Variants in PCDH9 observed in about 807,000 individuals in gnomAD.
PCDH9 encodes protocadherin 9.
A neutral mutation model predicts 70.6 loss-of-function variants in PCDH9; 24 were observed. That is an observed-to-expected ratio of 0.34 (90% CI 0.25 to 0.48). The LOEUF (loss-of-function observed/expected upper bound fraction) is 0.48, where lower values mean the gene tolerates loss of function less well. PCDH9 is among the 20% of genes least tolerant of loss of function. The probability of loss-of-function intolerance (pLI) is 0.99; values close to 1 mark genes in which losing one functional copy is unlikely to be tolerated. For synonymous variants in PCDH9, 562 were observed against 558.5 expected (o/e 1.01, Z -0.09); for missense variants, 1,281 against 1,503.6 (o/e 0.85, Z 2.45).
chr13:66,637,024 A>G (rs1253156484), intron 3 of PCDH9, among the ~76,000 whole-genome samples: 2 of 152,146 alleles, frequency 1.3e-5, no homozygotes, highest in African/African-American at 4.8e-5. Flanking sequence ...TATAATATTC[A>G]CTAGAAATAT....
intron 3 of PCDH9, among the ~76,000 whole-genome samples, chr13:66,717,433 C>T (rs548178321): frequency 1.3e-3 from 125 of 97,084 alleles, no homozygotes; most frequent in Middle Eastern, 0.014. Context: ...GCCTGGGTGA[C>T]AGAGCAAGAC....
At chr13:66,671,911 CT>C (rs1464178949) in intron 3 of PCDH9, among the ~76,000 whole-genome samples, 1 of 152,164 alleles carries the variant, frequency 6.6e-6, no homozygotes, top group African/African-American at 2.4e-5. Context: ...TTCAAGCTGG[CT>C]GCAGAAATTT....
intron 2 of PCDH9, among the ~76,000 whole-genome samples, chr13:67,011,756 T>A (rs1197483136): frequency 1.3e-5 from 2 of 151,932 alleles, no homozygotes; most frequent in East Asian, 1.9e-4. Context: ...TATTGTAGGC[T>A]GCTTTTCTTA....
intron 3 of PCDH9, among the ~76,000 whole-genome samples, chr13:66,680,406 C>G (rs2078302598): frequency 6.6e-6 from 1 of 151,896 alleles, no homozygotes; most frequent in Admixed American, 6.6e-5. Flanking sequence ...TGATATTTAA[C>G]ACAGAGTTTA....
intron 4 of PCDH9, among the ~76,000 whole-genome samples, chr13:66,602,259 T>C (rs1313656452): frequency 6.8e-6 from 1 of 146,588 alleles, no homozygotes; most frequent in African/African-American, 2.5e-5. Context: ...TGAATTTGTG[T>C]TGGGCCACAT....
chr13:66,987,329 T>A (rs2083912436), intron 2 of PCDH9, among the ~76,000 whole-genome samples: 1 of 152,050 alleles, frequency 6.6e-6, no homozygotes, highest in South Asian at 2.1e-4. Flanking sequence ...GAGCCCAGCT[T>A]CCTTGCCTGT....
At chr13:66,769,641 T>A (rs2079774046) in intron 3 of PCDH9, among the ~76,000 whole-genome samples, 1 of 152,138 alleles carries the variant, frequency 6.6e-6, no homozygotes, top group South Asian at 2.1e-4. Context: ...CAAGACCACA[T>A]CTTTCTGCAA....
At chr13:66,528,139 T>A (rs927767933) in intron 4 of PCDH9, among the ~76,000 whole-genome samples, 2 of 152,150 alleles carry the variant, frequency 1.3e-5, no homozygotes, top group Admixed American at 1.3e-4. Context: ...TTTCACCAAC[T>A]CTCAGTTGAC....
At chr13:66,491,928 C>CT (rs1385147943) in intron 4 of PCDH9, among the ~76,000 whole-genome samples, 5 of 152,110 alleles carry the variant, frequency 3.3e-5, no homozygotes, top group African/African-American at 1.2e-4. Flanking sequence ...ATTCTCTAAA[C>CT]TTTGCATCAA....
intron 4 of PCDH9, among the ~76,000 whole-genome samples, chr13:66,561,872 C>T (rs959487077): frequency 6.6e-6 from 1 of 152,110 alleles, no homozygotes; most frequent in African/African-American, 2.4e-5. Context: ...CGCTCGGGTC[C>T]TCTTCCACAC....
At chr13:66,437,837 C>T (rs999143304) in intron 4 of PCDH9, among the ~76,000 whole-genome samples, 2 of 152,112 alleles carry the variant, frequency 1.3e-5, no homozygotes, top group African/African-American at 4.8e-5. Context: ...GACTAAAAGA[C>T]ATGTACTAAA....
chr13:66,462,330 A>C (rs1441023775), intron 4 of PCDH9, among the ~76,000 whole-genome samples: 1 of 151,954 alleles, frequency 6.6e-6, no homozygotes, highest in Non-Finnish European at 1.5e-5. Context: ...GAAAGCTTAA[A>C]CCTTTATGGT....
At chr13:66,528,116 T>A (rs191514456) in intron 4 of PCDH9, among the ~76,000 whole-genome samples, 1 of 152,316 alleles carries the variant, frequency 6.6e-6, no homozygotes, top group East Asian at 1.9e-4. Context: ...AAATAGCTTT[T>A]TCTTTTCTGC....
At chr13:66,885,108 A>AT (rs896286995) in intron 3 of PCDH9, among the ~76,000 whole-genome samples, 4 of 151,712 alleles carry the variant, frequency 2.6e-5, no homozygotes, top group African/African-American at 9.7e-5. Flanking sequence ...CTCCCATGAT[A>AT]TTTTTTTTCC....
intron 2 of PCDH9, among the ~76,000 whole-genome samples, chr13:67,006,011 G>C (rs1186812614): frequency 6.6e-6 from 1 of 152,164 alleles, no homozygotes; most frequent in East Asian, 1.9e-4. Context: ...CAGATCACGA[G>C]GTCAGGAGAC....
chr13:66,728,785 C>T (rs1226899646), intron 3 of PCDH9, among the ~76,000 whole-genome samples: 1 of 152,008 alleles, frequency 6.6e-6, no homozygotes. Flanking sequence ...CTTTCCTTTG[C>T]AGTCAATTCT....
At chr13:66,854,324 A>G (rs2081360763) in intron 3 of PCDH9, among the ~76,000 whole-genome samples, 1 of 152,162 alleles carries the variant, frequency 6.6e-6, no homozygotes, top group African/African-American at 2.4e-5. Context: ...TTCTTCAATA[A>G]ATGCTTTCGT....
At chr13:66,604,761 C>G (rs2077202674) in intron 4 of PCDH9, among the ~76,000 whole-genome samples, 1 of 151,990 alleles carries the variant, frequency 6.6e-6, no homozygotes, top group Non-Finnish European at 1.5e-5. Flanking sequence ...CGCCATCATT[C>G]AATAGAAACC....
intron 2 of PCDH9, among the ~76,000 whole-genome samples, chr13:67,001,109 G>A (rs1267482934): frequency 2.6e-5 from 4 of 152,256 alleles, no homozygotes; most frequent in Middle Eastern, 3.4e-3. Context: ...TAATAAGTTC[G>A]ATACAGAAGT....
Sources: gnomAD v4.1 joint callset for allele counts (sites outside exome capture counted in the v4.1 genomes callset) on GRCh38, gnomAD v4.1.1 for gene constraint, MANE v1.5 for transcripts, NCBI Gene and HGNC (gene_info 2026-07-23, HGNC 2026-07-21) for gene names.